SNED1: variants seen among roughly 807,000 people sequenced by gnomAD.
SNED1 encodes the protein sushi, nidogen and EGF-like domain-containing protein 1.
In SNED1, 81 loss-of-function variants were observed where a neutral mutation model predicts 166.7. That is an observed-to-expected ratio of 0.49 (90% CI 0.41 to 0.58). The LOEUF (loss-of-function observed/expected upper bound fraction) is 0.58. SNED1 is among the 20% of genes least tolerant of loss of function. The pLI is 0.00. For synonymous variants in SNED1, 762 were observed against 822.0 expected, an observed-to-expected ratio of 0.93 and a Z score of 1.25; for missense variants, 1,604 against 2,000.2, an observed-to-expected ratio of 0.80 and a Z score of 3.78.
chr2:241,087,795 G>T, intron 30 of SNED1: 1 of 831,292 alleles, frequency 1.2e-6, no homozygotes, highest in Non-Finnish European at 1.6e-6. Flanking sequence ...TTTAATGGCC[G>T]ATATAGCGCG....
chr2:241,064,793 A>G lies in SNED1; in HGVS notation c.2600-51A>G, dbSNP rs757088105. The G allele has an allele frequency of 4.8e-4, 636 of 1,333,748 alleles. No homozygotes were observed. The highest frequency in any genetic ancestry group is 6.0e-4 in the Non-Finnish European group (592 of 985,804). The allele number at this position is 1,333,748 out of a possible 1,614,324, so 82.6% of individuals were successfully genotyped here. A position where few individuals can be genotyped will look rare whatever the true frequency, so the allele number is the denominator to read the frequency against. On this transcript the variant is annotated intron_variant, in intron 19 of 31. Coordinates refer to ENST00000310397, the MANE Select transcript of SNED1 (RefSeq NM_001080437.3). This position sits in a 1 kb window ranked among gnomAD's most constrained non-coding sequence, Gnocchi z 7.0. Reference sequence around the variant, plus strand: ...CCAGGAGCAAGGGCGGGGCTGGAGCAGGGACCCCTGGCCACGCCCCAACAT... The same window carrying G: ...CCAGGAGCAAGGGCGGGGCTGGAGCGGGGACCCCTGGCCACGCCCCAACAT...
rs2064220141 is a variant in SNED1, at chr2:241,094,008, CT to C, written c.*2373del. ...TGCAGACTGAGGATTCTACTTAGTC[CT>C]CCGACTGGGTACAACAACAGCCTAG... On this transcript the variant is annotated 3_prime_UTR_variant, in exon 32 of 32. Coordinates refer to ENST00000310397, the MANE Select transcript of SNED1 (RefSeq NM_001080437.3). The surrounding 1 kb of genome is among the most constrained non-coding windows in gnomAD (Gnocchi z 4.3). The C allele has an allele frequency of 3.9e-6, 1 of 253,882 alleles. No individual in the cohort carries two copies. The highest frequency in any genetic ancestry group is 2.3e-5 in the African/African-American group (1 of 43,714). The allele number at this position is 253,882 out of a possible 1,614,324, so 15.7% of individuals were successfully genotyped here. A position where few individuals can be genotyped will look rare whatever the true frequency, so the allele number is the denominator to read the frequency against.
At chr2:241,067,250 G>A (rs2062493941) in intron 21 of SNED1, among the ~76,000 whole-genome samples, 1 of 152,232 alleles carries the variant, frequency 6.6e-6, no homozygotes, top group Non-Finnish European at 1.5e-5. Context: ...TGCATCAGCA[G>A]TGGCACTGGA....
intron 8 of SNED1, among the ~76,000 whole-genome samples, chr2:241,042,955 G>A (rs2061557573): frequency 1.3e-5 from 2 of 152,034 alleles, no homozygotes; most frequent in Admixed American, 1.3e-4. Context: ...CCACGTATTT[G>A]GAGTCTGTGA....
intron 16 of SNED1, among the ~76,000 whole-genome samples, chr2:241,056,667 G>T (rs1013779545): frequency 3.7e-5 from 5 of 136,154 alleles, no homozygotes; most frequent in African/African-American, 1.4e-4. Flanking sequence ...TGCAATCTCC[G>T]CCTCCTGGGT....
chr2:241,046,496 C>G (rs553637844), intron 8 of SNED1, among the ~76,000 whole-genome samples: 11 of 152,294 alleles, frequency 7.2e-5, no homozygotes, highest in African/African-American at 2.4e-4. Flanking sequence ...TAGATACATA[C>G]GACAACTTAG....
Position 241,094,335 on chromosome 2 carries a change from C to G in SNED1, c.*2699C>G. On this transcript the variant is annotated 3_prime_UTR_variant, in exon 32 of 32. Transcript: ENST00000310397. The surrounding 1 kb of genome is among the most constrained non-coding windows in gnomAD (Gnocchi z 4.3). Reference sequence around the variant, plus strand: ...ACTGGCAAAGGACTGCCACTGCCATCTGACTCAACTGTGGCGATGTGGACG... The same window carrying G: ...ACTGGCAAAGGACTGCCACTGCCATGTGACTCAACTGTGGCGATGTGGACG... The G allele has an allele frequency of 2.1e-6, 1 of 470,578 alleles. No individual in the cohort carries two copies. The highest frequency in any genetic ancestry group is 4.4e-6 in the Non-Finnish European group (1 of 226,948). The allele number at this position is 470,578 out of a possible 1,614,324, so 29.2% of individuals were successfully genotyped here. A position where few individuals can be genotyped will look rare whatever the true frequency, so the allele number is the denominator to read the frequency against.
At chr2:241,006,213 C>G (rs1266688821) in intron 1 of SNED1, among the ~76,000 whole-genome samples, 1 of 152,072 alleles carries the variant, frequency 6.6e-6, no homozygotes, top group Non-Finnish European at 1.5e-5. Context: ...ATCTATTTCA[C>G]TTTTTACTCC....
Position 241,034,696 on chromosome 2 carries a change from T to C in SNED1, c.771T>C (p.Asp257=), listed in dbSNP as rs1184321144. 5.6e-6 allele frequency: 9 copies of C among 1,595,666 alleles called. No homozygotes were observed. Among genetic ancestry groups the C allele is most frequent in the Non-Finnish European group, 7.7e-6 (9 of 1,171,858 alleles). ...GGCGCTGGGCGTTCAGAATCGATGA[T>C]GCCCAGGTGCGCGTGGGGGGCTGCG... The part of the protein sequence containing the change: ...VPGRWAFRID[D]AQVRVGGCGH... Residue 257 remains aspartate, a synonymous_variant, in exon 4 of 32, where the codon GAT becomes GAC. Transcript: ENST00000310397.
At chr2:241,063,524 TG>T in intron 17 of SNED1, 62 bp from the exon 18 acceptor site, 2 of 1,059,178 alleles carry the variant, frequency 1.9e-6, no homozygotes, top group Non-Finnish European at 2.9e-6. Flanking sequence ...CACGGAATCC[TG>T]GGGGCATGTG....
At chr2:241,083,052 G>T (rs1376909607) in intron 29 of SNED1, among the ~76,000 whole-genome samples, 1 of 151,208 alleles carries the variant, frequency 6.6e-6, no homozygotes, top group Non-Finnish European at 1.5e-5. Flanking sequence ...TTGCAGATGA[G>T]GGGACAGACA....
chr2:241,052,292 C>T, intron 14 of SNED1, 63 bp from the exon 15 acceptor site: 4 of 1,468,220 alleles, frequency 2.7e-6, no homozygotes, highest in East Asian at 2.3e-5. Flanking sequence ...AGGCAGGATG[C>T]CCCACACAGT....
intron 1 of SNED1, among the ~76,000 whole-genome samples, chr2:241,007,883 C>T (rs1270873145): frequency 1.3e-5 from 2 of 152,242 alleles, no homozygotes; most frequent in Non-Finnish European, 2.9e-5. Context: ...CGATGTGTGT[C>T]TGTCCTACAC....
chr2:241,054,203 G>A (rs2061972808), intron 16 of SNED1, among the ~76,000 whole-genome samples: 1 of 152,076 alleles, frequency 6.6e-6, no homozygotes, highest in Admixed American at 6.5e-5. Flanking sequence ...CCACCTATAT[G>A]TTGCCAGAAG....
intron 10 of SNED1, 33 bp downstream of exon 10, chr2:241,048,799 C>G: frequency 6.6e-7 from 1 of 1,515,770 alleles, no homozygotes; most frequent in South Asian, 1.2e-5. Context: ...CTGCCCTGTC[C>G]CTGAGCATCC....
intron 1 of SNED1, among the ~76,000 whole-genome samples, chr2:241,010,968 G>C (rs763983817): frequency 6.6e-4 from 100 of 152,212 alleles, no homozygotes; most frequent in Non-Finnish European, 1.3e-3. Context: ...CACAGGGAGA[G>C]ACTGGAGTTC....
Position 241,033,843 on chromosome 2 carries a change from A to G in SNED1, c.610A>G (p.Asn204Asp). The G allele has an allele frequency of 2.5e-6, 4 of 1,608,366 alleles. No individual in the cohort carries two copies. Among genetic ancestry groups the G allele is most frequent in the Non-Finnish European group, 3.4e-6 (4 of 1,178,170 alleles). Residue 204 changes from asparagine to aspartate, a missense_variant, in exon 3 of 32, where the codon AAC (asparagine) becomes GAC (aspartate). Physicochemically the swap from Asn to Asp is conservative, Grantham distance 23. Transcript: ENST00000310397. The stretch of plus-strand genomic sequence containing the variant: ...AGGCACACACGCCAGCAGCGGGGGC[A>G]ACGCCACTGGCCTCGGGGGCATCGC... The part of the protein sequence containing the change: ...TTGTHASSGG[N>D]ATGLGGIAAQ...
rs1267954046 is a variant in SNED1, at chr2:241,071,837, G to T, written c.3776G>T (p.Arg1259Met). 2 of 1,605,230 alleles carry T rather than the reference G, an allele frequency of 1.2e-6. No homozygotes were observed. The highest frequency in any genetic ancestry group is 1.7e-5 in the Admixed American group (1 of 59,342). ...GACGGCAGAGGAAGAGTGAGCGCCA[G>T]GTTCGGTGGCTCACCCAGCAAAGCA... ...LVDGRGRVSARFGGSPSKAAT... is the reference protein window; with the variant it reads ...LVDGRGRVSAMFGGSPSKAAT... The change falls in exon 26 of 32, where the codon AGG (arginine) becomes ATG (methionine). Residue 1259 changes from arginine (R) to methionine (M), a missense_variant. Physicochemically the swap from Arg to Met is moderately conservative, Grantham distance 91. Transcript: ENST00000310397.
In SNED1 at chr2:241,033,709, C is replaced by T. The variant is rs758797156; in HGVS notation, c.502-26C>T. On this transcript the variant is annotated intron_variant, in intron 2 of 31. Coordinates refer to ENST00000310397, the MANE Select transcript of SNED1 (RefSeq NM_001080437.3). ...CCCTGGGCCAAGGGGAGTGCAGGGC[C>T]CTGTTCAGCCCCCTCTCCCCGGCAG... 4.4e-6 allele frequency: 7 copies of T among 1,603,106 alleles called. No individual in the cohort carries two copies. In the African/African-American group the frequency reaches 9.4e-5, roughly 21 times the overall value.
Sources: allele counts gnomAD v4.1 joint callset (sites outside exome capture counted in the v4.1 genomes callset), GRCh38; gene constraint gnomAD v4.1.1; non-coding constraint Gnocchi (gnomAD v3.1); transcripts MANE v1.5; gene names NCBI Gene and HGNC (gene_info 2026-07-23, HGNC 2026-07-21).